Variants in NELL2 observed in about 807,000 individuals in gnomAD.
NELL2 encodes protein kinase C-binding protein NELL2.
Under a neutral mutation model 109.6 loss-of-function variants are expected in NELL2, and 41 were observed. The ratio of observed to expected loss-of-function variants is 0.37; its 90% CI spans 0.29 to 0.49. The LOEUF is 0.49. Among genes scored for constraint, NELL2 ranks in the 20% least tolerant of loss-of-function variants. The pLI is 0.98. For missense variants in NELL2, 900 were observed against 1,008.3 expected, an observed-to-expected ratio of 0.89 and a Z score of 1.45; for synonymous variants, 355 against 344.7, an observed-to-expected ratio of 1.03 and a Z score of -0.33.
chr12:44,690,972 C>A (rs1948880068), intron 12 of NELL2, among the ~76,000 whole-genome samples: 1 of 152,074 alleles, frequency 6.6e-6, no homozygotes, highest in Non-Finnish European at 1.5e-5. Flanking sequence ...TATATAGCAT[C>A]CAAAGCAATC....
chr12:44,782,027 T>C (rs1941980889), intron 3 of NELL2, among the ~76,000 whole-genome samples: 1 of 152,046 alleles, frequency 6.6e-6, no homozygotes. Context: ...TCCTCTTTTC[T>C]AAAGTATGTT....
At chr12:44,610,811 A>G in intron 14 of NELL2, 37 bp downstream of exon 14, 1 of 1,612,088 alleles carries the variant, frequency 6.2e-7, no homozygotes, top group Non-Finnish European at 8.5e-7. Context: ...ATGGCATTAT[A>G]CATAATGGAA....
At chr12:44,509,874 C>T (rs1441962031) in intron 19 of NELL2, among the ~76,000 whole-genome samples, 7 of 151,790 alleles carry the variant, frequency 4.6e-5, no homozygotes, top group South Asian at 2.1e-4. Context: ...ATATTTAAAC[C>T]GAGACCTGGA....
At chr12:44,546,610 C>T (rs1406658912) in intron 15 of NELL2, among the ~76,000 whole-genome samples, 1 of 152,176 alleles carries the variant, frequency 6.6e-6, no homozygotes, top group South Asian at 2.1e-4. Context: ...AACCACACAA[C>T]CTGATGGCAC....
At chr12:44,636,784 G>T (rs1338956685) in intron 13 of NELL2, among the ~76,000 whole-genome samples, 1 of 152,242 alleles carries the variant, frequency 6.6e-6, no homozygotes, top group Admixed American at 6.5e-5. Context: ...GTATCAGGAT[G>T]ATGCTGGCCT....
intron 3 of NELL2, among the ~76,000 whole-genome samples, chr12:44,807,120 A>G (rs952811042): frequency 4.9e-4 from 75 of 151,650 alleles, no homozygotes; most frequent in African/African-American, 1.6e-3. Context: ...ATTAAGTGAA[A>G]TAACAACCAA....
chr12:44,809,726 A>G (rs1239993289), intron 3 of NELL2, among the ~76,000 whole-genome samples: 2 of 152,042 alleles, frequency 1.3e-5, no homozygotes, highest in Non-Finnish European at 2.9e-5. Context: ...GTTTGAAGCT[A>G]TGTTTCAGTG....
At chr12:44,813,657 T>C (rs950520730) in intron 3 of NELL2, among the ~76,000 whole-genome samples, 10 of 152,148 alleles carry the variant, frequency 6.6e-5, no homozygotes, top group East Asian at 1.9e-4. Context: ...TCAATACACA[T>C]AGACAAAAGG....
chr12:44,703,875 T>G (rs1168147213), intron 11 of NELL2, 21 bp from the exon 12 acceptor site: 1 of 1,600,540 alleles, frequency 6.2e-7, no homozygotes, highest in African/African-American at 1.4e-5. Flanking sequence ...AAAAAGAAAT[T>G]TATTAAGGTA....
At chr12:44,691,130 C>T (rs1243681336) in intron 12 of NELL2, among the ~76,000 whole-genome samples, 1 of 152,124 alleles carries the variant, frequency 6.6e-6, no homozygotes, top group African/African-American at 2.4e-5. Flanking sequence ...TTGCAGTTCA[C>T]TTCAACTGCC....
intron 13 of NELL2, among the ~76,000 whole-genome samples, chr12:44,617,451 GC>G (rs1372423381): frequency 9.4e-6 from 1 of 106,144 alleles, no homozygotes; most frequent in Non-Finnish European, 1.8e-5. Context: ...ACTTTGGGAG[GC>G]CGAGGCGGGC....
chr12:44,523,967 G>A (rs981444106), intron 16 of NELL2, among the ~76,000 whole-genome samples: 3 of 151,982 alleles, frequency 2.0e-5, no homozygotes, highest in East Asian at 3.9e-4. Context: ...TTATTCTCGC[G>A]GCTGCACCTG....
At chr12:44,809,214 A>T (rs1295256889) in intron 3 of NELL2, among the ~76,000 whole-genome samples, 1 of 152,092 alleles carries the variant, frequency 6.6e-6, no homozygotes, top group African/African-American at 2.4e-5. Flanking sequence ...ACATGGAAGA[A>T]GGAAACAGTT....
chr12:44,643,212 C>T (rs1203700706), intron 13 of NELL2, among the ~76,000 whole-genome samples: 2 of 152,064 alleles, frequency 1.3e-5, no homozygotes, highest in African/African-American at 4.8e-5. Context: ...AGTCCTATAC[C>T]ACATACTATC....
intron 13 of NELL2, among the ~76,000 whole-genome samples, chr12:44,638,060 C>T (rs990777664): frequency 3.9e-5 from 6 of 152,070 alleles, no homozygotes; most frequent in African/African-American, 1.4e-4. Flanking sequence ...GTAACTCTTT[C>T]ACTCTCACTC....
intron 15 of NELL2, among the ~76,000 whole-genome samples, chr12:44,589,961 G>A (rs1490395121): frequency 3.3e-5 from 5 of 151,958 alleles, no homozygotes; most frequent in South Asian, 2.1e-4. Flanking sequence ...TCTGATCCCT[G>A]CCTTCCTCTT....
chr12:44,786,366 T>C (rs1296233586), intron 3 of NELL2, among the ~76,000 whole-genome samples: 1 of 152,174 alleles, frequency 6.6e-6, no homozygotes, highest in Admixed American at 6.5e-5. Flanking sequence ...CATTAAAAAG[T>C]CAGGAAACAA....
intron 1 of NELL2, among the ~76,000 whole-genome samples, chr12:44,899,192 A>C (rs1945630811): frequency 6.6e-6 from 1 of 152,244 alleles, no homozygotes; most frequent in African/African-American, 2.4e-5. Context: ...AACATGCTTC[A>C]GGATATTATC....
chr12:44,886,909 G>A (rs2136865243), intron 1 of NELL2, among the ~76,000 whole-genome samples: 1 of 151,918 alleles, frequency 6.6e-6, no homozygotes, highest in African/African-American at 2.4e-5. Flanking sequence ...GTGACAACAT[G>A]CGATATTAAT....
Sources: gnomAD v4.1 joint callset for allele counts (sites outside exome capture counted in the v4.1 genomes callset) on GRCh38, gnomAD v4.1.1 for gene constraint, MANE v1.5 for transcripts, NCBI Gene and HGNC (gene_info 2026-07-23, HGNC 2026-07-21) for gene names.